Variants in SPATA6 observed in about 807,000 individuals in gnomAD.
The protein encoded by SPATA6 is spermatogenesis associated 6, also known as spermatogenesis-associated protein 6.
Under a neutral mutation model 65.3 loss-of-function variants are expected in SPATA6, and 56 were observed. That is an observed-to-expected ratio of 0.86 (90% confidence interval 0.69 to 1.07). The LOEUF is 1.07. Among genes scored for constraint, SPATA6 ranks in the 50% least tolerant of loss-of-function variants. The pLI is 0.00. For synonymous variants in SPATA6, 199 were observed against 213.2 expected (o/e 0.93, Z 0.58); for missense variants, 590 against 594.8 (o/e 0.99, Z 0.08).
the SPATA6 span, chr1:48,263,029 G>A: frequency 6.6e-6 from 1 of 152,006 alleles, no homozygotes; most frequent in African/African-American, 2.4e-5. Flanking sequence ...ACTGGCTATA[G>A]GCAAACAAAG....
At chr1:48,403,690 A>G in intron 6 of SPATA6, 112 bp downstream of exon 6, 2 of 726,916 alleles carry the variant, frequency 2.8e-6, no homozygotes, top group Non-Finnish European at 4.4e-6. Context: ...CTAAAAATTG[A>G]CCCCCCAAAA....
intron 9 of SPATA6, among the ~76,000 whole-genome samples, chr1:48,378,439 G>C (rs1250194749): frequency 2.6e-5 from 4 of 152,130 alleles, no homozygotes; most frequent in Non-Finnish European, 1.5e-5. Flanking sequence ...ATTTAGCTAA[G>C]TGTATTAGTC....
chr1:48,289,165 A>G, the SPATA6 span, among the ~76,000 whole-genome samples: 1,868 of 152,296 alleles, frequency 0.012, 46 homozygotes, highest in African/African-American at 0.043. Flanking sequence ...GAATGATCAG[A>G]CAGCAACATT....
downstream of SPATA6, among the ~76,000 whole-genome samples, chr1:48,292,462 T>G (rs1180890689): frequency 2.6e-5 from 4 of 152,214 alleles, no homozygotes; most frequent in African/African-American, 4.8e-5. Context: ...CAAGTGCACC[T>G]GCATAGATAA....
At chr1:48,455,135 G>A (rs1656901113) in intron 1 of SPATA6, among the ~76,000 whole-genome samples, 1 of 151,892 alleles carries the variant, frequency 6.6e-6, no homozygotes, top group South Asian at 2.1e-4. Context: ...AACTAAAATC[G>A]TCTTAGATTC....
chr1:48,435,755 C>T (rs944393609), intron 3 of SPATA6, among the ~76,000 whole-genome samples: 5 of 152,304 alleles, frequency 3.3e-5, no homozygotes, highest in East Asian at 1.9e-4. Context: ...CCGCGCCCCG[C>T]ACCGGGAGCG....
chr1:48,286,570 C>G, the SPATA6 span, among the ~76,000 whole-genome samples: 2 of 151,988 alleles, frequency 1.3e-5, no homozygotes, highest in Non-Finnish European at 2.9e-5. Flanking sequence ...TTTAGGCTTT[C>G]TATATATATG....
chr1:48,308,232 T>C (rs766852161), intron 11 of SPATA6, among the ~76,000 whole-genome samples: 3 of 152,028 alleles, frequency 2.0e-5, no homozygotes, highest in Non-Finnish European at 4.4e-5. Flanking sequence ...CACTATATTT[T>C]TGAGACATTT....
chr1:48,307,138 T>C (rs1010903947), intron 11 of SPATA6, among the ~76,000 whole-genome samples: 2 of 151,462 alleles, frequency 1.3e-5, no homozygotes, highest in Non-Finnish European at 3.0e-5. Flanking sequence ...CTGTAGTGAG[T>C]GTGAAAGACT....
intron 9 of SPATA6, among the ~76,000 whole-genome samples, chr1:48,364,091 G>A (rs1646913345): frequency 6.6e-6 from 1 of 152,102 alleles, no homozygotes; most frequent in African/African-American, 2.4e-5. Flanking sequence ...TGAGAATGAT[G>A]ATTTCCAATT....
At chr1:48,264,561 C>A in the SPATA6 span, among the ~76,000 whole-genome samples, 1 of 152,070 alleles carries the variant, frequency 6.6e-6, no homozygotes, top group African/African-American at 2.4e-5. Context: ...ATGTCCCCCT[C>A]CCTGTGTCCA....
chr1:48,441,132 G>A (rs1412885270), intron 3 of SPATA6, among the ~76,000 whole-genome samples: 2 of 152,180 alleles, frequency 1.3e-5, no homozygotes, highest in African/African-American at 2.4e-5. Flanking sequence ...TGCCCCAGAG[G>A]ACAAAGGTTC....
At chr1:48,364,668 G>C (rs1646936942) in intron 9 of SPATA6, among the ~76,000 whole-genome samples, 1 of 152,046 alleles carries the variant, frequency 6.6e-6, no homozygotes, top group Admixed American at 6.6e-5. Flanking sequence ...TTGTAAATTT[G>C]TTTGAGTTCA....
chr1:48,417,311 G>C (rs1652866585), intron 3 of SPATA6, among the ~76,000 whole-genome samples: 1 of 152,060 alleles, frequency 6.6e-6, no homozygotes, highest in African/African-American at 2.4e-5. Flanking sequence ...TAGAAACAAT[G>C]TTATAATCTG....
At chr1:48,301,539 A>T (rs1473117764) in intron 12 of SPATA6, among the ~76,000 whole-genome samples, 1 of 151,360 alleles carries the variant, frequency 6.6e-6, no homozygotes, top group Non-Finnish European at 1.5e-5. Flanking sequence ...CCACACACAC[A>T]CACACACAAA....
At chr1:48,417,681 T>C (rs1652900710) in intron 3 of SPATA6, among the ~76,000 whole-genome samples, 4 of 151,836 alleles carry the variant, frequency 2.6e-5, no homozygotes, top group Admixed American at 2.6e-4. Context: ...CCAGGCATGG[T>C]GGCACATGCC....
intron 9 of SPATA6, among the ~76,000 whole-genome samples, chr1:48,377,680 T>C (rs1570371699): frequency 6.6e-6 from 1 of 152,338 alleles, no homozygotes; most frequent in East Asian, 1.9e-4. Flanking sequence ...AGACGATTTC[T>C]AGTTTTGCTA....
intron 3 of SPATA6, among the ~76,000 whole-genome samples, chr1:48,434,329 T>C (rs1436531376): frequency 2.7e-5 from 4 of 148,096 alleles, no homozygotes; most frequent in Admixed American, 1.3e-4. Context: ...AGATAAAAAA[T>C]TTAAAAATAA....
chr1:48,313,591 T>C (rs1570056968), intron 11 of SPATA6, among the ~76,000 whole-genome samples: 1 of 152,054 alleles, frequency 6.6e-6, no homozygotes, highest in African/African-American at 2.4e-5. Flanking sequence ...TGCAAAAACA[T>C]GCCAAATTGT....
Sources: allele counts gnomAD v4.1 joint callset (sites outside exome capture counted in the v4.1 genomes callset), GRCh38; gene constraint gnomAD v4.1.1; transcripts MANE v1.5; gene names NCBI Gene and HGNC (gene_info 2026-07-23, HGNC 2026-07-21).